TUBGCP3: variants seen among roughly 807,000 people sequenced by gnomAD.
The protein encoded by TUBGCP3 is gamma-tubulin complex component 3.
TUBGCP3 carries 50 observed loss-of-function variants against 123.1 expected under a neutral mutation model. The ratio of observed to expected loss-of-function variants is 0.41; its 90% CI spans 0.32 to 0.51. The LOEUF (loss-of-function observed/expected upper bound fraction) is 0.51. Ranked by LOEUF, TUBGCP3 falls within the 20% of genes least tolerant of loss-of-function variation. The probability of loss-of-function intolerance (pLI) is 0.36; values close to 1 mark genes in which losing one functional copy is unlikely to be tolerated. For missense variants in TUBGCP3, 882 were observed against 1,127.0 expected, an observed-to-expected ratio of 0.78 and a Z score of 3.11; for synonymous variants, 405 against 413.9, an observed-to-expected ratio of 0.98 and a Z score of 0.26.
At chr13:112,595,532 T>C in the TUBGCP3 span, among the ~76,000 whole-genome samples, 1 of 152,320 alleles carries the variant, frequency 6.6e-6, no homozygotes, top group Admixed American at 6.5e-5. Flanking sequence ...GTTTAGTGTA[T>C]ATATGTTTAA....
chr13:112,603,138 G>A, the TUBGCP3 span: 2 of 152,090 alleles, frequency 1.3e-5, no homozygotes, highest in Non-Finnish European at 2.9e-5. Context: ...TTTATCAATT[G>A]TGGATTCTTA....
rs1476730541 is a variant in TUBGCP3, at chr13:112,524,536, T to C, written c.1556-2027A>G. On this transcript the variant is annotated intron_variant, in intron 13 of 21. Coordinates refer to ENST00000261965, the MANE Select transcript of TUBGCP3 (RefSeq NM_006322.6). This position sits in a 1 kb window ranked among gnomAD's most constrained non-coding sequence, Gnocchi z 4.4. ...CAACTGCTCTCCTGGTTCTTCTTCC[T>C]TCCACCTCTTCAGTGTAGAAGCATT... Among the ~76,000 whole-genome samples the C allele has an allele frequency of 6.6e-6, 1 of 152,256 alleles. No homozygotes were observed. The highest frequency in any genetic ancestry group is 1.5e-5 in the Non-Finnish European group (1 of 68,042).
chr13:112,494,067 C>T (rs1880356703), intron 20 of TUBGCP3, among the ~76,000 whole-genome samples: 1 of 151,350 alleles, frequency 6.6e-6, no homozygotes, highest in South Asian at 2.1e-4. Context: ...CCCTGAGACA[C>T]TCTAGCTATG....
intron 11 of TUBGCP3, among the ~76,000 whole-genome samples, chr13:112,544,228 C>T (rs1038214681): frequency 1.2e-4 from 18 of 151,944 alleles, no homozygotes; most frequent in African/African-American, 2.9e-4. Context: ...CCAAGGCGGG[C>T]AGATCACAAG....
At chr13:112,576,914 A>C (rs9604364) in intron 1 of TUBGCP3, among the ~76,000 whole-genome samples, 42,015 of 147,460 alleles carry the variant, frequency 0.28, 6,677 homozygotes, top group African/African-American at 0.4. Context: ...AACAAACAAA[A>C]AAAAAAAAAC....
chr13:112,511,235 T>C lies in TUBGCP3; in HGVS notation c.2086+5205A>G, dbSNP rs80277030. On this transcript the variant is annotated intron_variant, in intron 17 of 21. Coordinates refer to ENST00000261965, the MANE Select transcript of TUBGCP3 (RefSeq NM_006322.6). The surrounding 1 kb of genome is among the most constrained non-coding windows in gnomAD (Gnocchi z 4.1). ...ACACCCTCTGAACCCACCGCTCAGATGGGCCCCTCACAGGGCACTGCTGGC... is the reference window on the plus strand; with the variant it reads ...ACACCCTCTGAACCCACCGCTCAGACGGGCCCCTCACAGGGCACTGCTGGC... Among the ~76,000 whole-genome samples the C allele has an allele frequency of 0.028, 4,260 of 152,302 alleles. 77 individuals carry two copies. Among genetic ancestry groups the C allele is most frequent in the Non-Finnish European group, 0.043 (2,894 of 68,014 alleles).
At position 112,558,297 on chromosome 13, in the gene TUBGCP3, C is replaced by T. The variant is rs748658624; in HGVS notation, c.447G>A (p.Gln149=). The part of the protein sequence containing the change: ...LPLSYQDRSA[Q]SAQSSGSVGS... Reference sequence around the variant, plus strand: ...CCACGCTGCCGGAGCTCTGGGCTGACTGGGCACTCCGATCTTGGTAGCTCA... The same window carrying T: ...CCACGCTGCCGGAGCTCTGGGCTGATTGGGCACTCCGATCTTGGTAGCTCA... Residue 149 remains glutamine, a synonymous_variant, in exon 5 of 22, where the codon CAG becomes CAA. Coordinates refer to ENST00000261965, the MANE Select transcript of TUBGCP3 (RefSeq NM_006322.6). 2 of 1,613,672 alleles carry T rather than the reference C, an allele frequency of 1.2e-6. No individual in the cohort carries two copies. The highest frequency in any genetic ancestry group is 2.7e-5 in the African/African-American group (2 of 75,040).
intron 17 of TUBGCP3, among the ~76,000 whole-genome samples, chr13:112,512,629 T>A (rs1011106683): frequency 2.0e-5 from 3 of 149,512 alleles, no homozygotes; most frequent in Non-Finnish European, 4.5e-5. Flanking sequence ...CAGCTACTCA[T>A]GAGGATGAGG....
intron 13 of TUBGCP3, among the ~76,000 whole-genome samples, chr13:112,522,762 C>T (rs1275847965): frequency 1.3e-5 from 2 of 152,170 alleles, no homozygotes; most frequent in East Asian, 3.8e-4. Context: ...TTCCAAATCC[C>T]TTAATACACT....
chr13:112,576,062 CTTAAA>C (rs777888052), intron 1 of TUBGCP3, among the ~76,000 whole-genome samples: 10 of 152,222 alleles, frequency 6.6e-5, no homozygotes, highest in Non-Finnish European at 1.5e-4. Flanking sequence ...CCTTTCATTA[CTTAAA>C]TTAAACCTTA....
At chr13:112,527,242 CACTT>C (rs1877209280) in intron 12 of TUBGCP3, 128 bp downstream of exon 12, 1 of 746,818 alleles carries the variant, frequency 1.3e-6, no homozygotes, top group Non-Finnish European at 2.2e-6. Flanking sequence ...AATTAACATG[CACTT>C]ACTTCATCTC....
intron 5 of TUBGCP3, 96 bp downstream of exon 5, chr13:112,558,100 C>A: frequency 7.2e-7 from 1 of 1,381,248 alleles, no homozygotes. Flanking sequence ...TGAGGCCCCA[C>A]TGATACTGTG....
At chr13:112,601,204 A>G in the TUBGCP3 span, among the ~76,000 whole-genome samples, 27 of 151,928 alleles carry the variant, frequency 1.8e-4, no homozygotes, top group Non-Finnish European at 3.8e-4. Flanking sequence ...AAAAAAAAAA[A>G]AAAAAATTTA....
At chr13:112,567,922 G>GT (rs1321115975) in intron 2 of TUBGCP3, among the ~76,000 whole-genome samples, 2 of 151,354 alleles carry the variant, frequency 1.3e-5, no homozygotes, top group African/African-American at 4.9e-5. Context: ...TCTAGAAAGT[G>GT]TTATTACTGA....
In TUBGCP3 at chr13:112,519,135, A is replaced by G. The variant is rs1231544034; in HGVS notation, c.1882-92T>C. 1.1e-5 allele frequency: 11 copies of G among 1,021,768 alleles called. No homozygotes were observed. The highest frequency in any genetic ancestry group is 1.5e-5 in the Non-Finnish European group (10 of 652,982). The allele number at this position is 1,021,768 out of a possible 1,614,324, so 63.3% of individuals were successfully genotyped here. A position where few individuals can be genotyped will look rare whatever the true frequency, so the allele number is the denominator to read the frequency against. On this transcript the variant is annotated intron_variant, in intron 15 of 21. Coordinates refer to ENST00000261965, the MANE Select transcript of TUBGCP3 (RefSeq NM_006322.6). The surrounding 1 kb of genome is among the most constrained non-coding windows in gnomAD (Gnocchi z 6.2). The stretch of plus-strand genomic sequence containing the variant: ...AAGAAAAAGCAGTAAAATAATGCCC[A>G]ATTGTTAAAAACTGCTCAACAGTTC...
chr13:112,540,837 C>T (rs933151124), intron 11 of TUBGCP3, among the ~76,000 whole-genome samples: 10 of 152,158 alleles, frequency 6.6e-5, no homozygotes, highest in African/African-American at 2.2e-4. Flanking sequence ...AAAATCTTTG[C>T]CAATGAGGCA....
intron 11 of TUBGCP3, among the ~76,000 whole-genome samples, chr13:112,533,799 C>CTT (rs56710076): frequency 1.6e-4 from 19 of 118,936 alleles, no homozygotes; most frequent in Non-Finnish European, 2.8e-4. Context: ...AAGAGAATTT[C>CTT]TTTTTTTTTT....
rs1878884151 is a variant in TUBGCP3, at chr13:112,545,176, G to A, written c.1335+523C>T. 6.5e-6 allele frequency: 1 copy of A among 154,150 alleles called. No individual in the cohort carries two copies. Among genetic ancestry groups the A allele is most frequent in the South Asian group, 2.0e-4 (1 of 4,962 alleles). 9.5% of individuals were successfully genotyped at this position (154,150 alleles called of 1,614,324 possible). A position where few individuals can be genotyped will look rare whatever the true frequency, so the allele number is the denominator to read the frequency against. On this transcript the variant is annotated intron_variant, in intron 11 of 21. Coordinates refer to ENST00000261965, the MANE Select transcript of TUBGCP3 (RefSeq NM_006322.6). This position sits in a 1 kb window ranked among gnomAD's most constrained non-coding sequence, Gnocchi z 4.1. ...CCTGTCTTACTGACAAAGGTTTTGA[G>A]TGTGGTGCCCCTCACCCTACCTTCC...
At chr13:112,551,883 T>TG (rs753308422) in intron 8 of TUBGCP3, among the ~76,000 whole-genome samples, 130 of 134,100 alleles carry the variant, frequency 9.7e-4, no homozygotes, top group Non-Finnish European at 1.7e-3. Flanking sequence ...CAGGGTGGGA[T>TG]GGGGGGGCAG....
Sources: gnomAD v4.1 joint callset for allele counts (sites outside exome capture counted in the v4.1 genomes callset) on GRCh38, gnomAD v4.1.1 for gene constraint, Gnocchi (gnomAD v3.1) non-coding constraint, MANE v1.5 for transcripts, NCBI Gene and HGNC (gene_info 2026-07-23, HGNC 2026-07-21) for gene names.